The following FRYL variants were observed in gnomAD, a reference collection of about 807,000 sequenced individuals.
The protein encoded by FRYL is FRY like transcription coactivator, also known as protein furry homolog-like.
Under a neutral mutation model 351.2 loss-of-function variants are expected in FRYL, and 150 were observed. That is an observed-to-expected ratio of 0.43 (90% CI 0.37 to 0.49). The LOEUF is 0.49. FRYL is among the 20% of genes least tolerant of loss of function. The pLI, the probability that FRYL is intolerant of heterozygous loss-of-function variation, is 0.00. For synonymous variants in FRYL, 1,153 were observed against 1,257.1 expected, an observed-to-expected ratio of 0.92 and a Z score of 1.75; for missense variants, 3,036 against 3,619.3, an observed-to-expected ratio of 0.84 and a Z score of 4.13.
chr4:48,617,719 C>G (rs1307406282), intron 7 of FRYL: 1 of 152,110 alleles, frequency 6.6e-6, no homozygotes, highest in South Asian at 2.1e-4. Context: ...AAAAATGCCT[C>G]CACAGGGTTG....
chr4:48,564,143 A>G, intron 30 of FRYL, 41 bp from the exon 31 acceptor site: 5 of 1,606,890 alleles, frequency 3.1e-6, no homozygotes, highest in Non-Finnish European at 4.2e-6. Context: ...AGAACGTTAT[A>G]TATTTTTTGT....
At chr4:48,587,392 C>T (rs1056887344) in intron 18 of FRYL, among the ~76,000 whole-genome samples, 3 of 151,922 alleles carry the variant, frequency 2.0e-5, no homozygotes, top group Non-Finnish European at 4.4e-5. Flanking sequence ...AAATGTCTAA[C>T]CTCTTAATAT....
intron 1 of FRYL, among the ~76,000 whole-genome samples, chr4:48,713,599 A>C (rs1343745998): frequency 1.3e-5 from 2 of 152,204 alleles, no homozygotes; most frequent in Admixed American, 6.5e-5. Flanking sequence ...CACCCAATAC[A>C]GGAGCACCCA....
chr4:48,750,297 C>CA (rs1004069172), intron 1 of FRYL, among the ~76,000 whole-genome samples: 8 of 151,334 alleles, frequency 5.3e-5, no homozygotes, highest in African/African-American at 1.9e-4. Flanking sequence ...CCCATTTCTA[C>CA]AAAAAATACA....
At chr4:48,529,624 C>T (rs1727083075) in intron 50 of FRYL, among the ~76,000 whole-genome samples, 1 of 152,100 alleles carries the variant, frequency 6.6e-6, no homozygotes, top group African/African-American at 2.4e-5. Flanking sequence ...CAAGACTAAA[C>T]TGCAATAAAA....
At chr4:48,568,310 C>A (rs1280981840) in intron 27 of FRYL, among the ~76,000 whole-genome samples, 1 of 152,206 alleles carries the variant, frequency 6.6e-6, no homozygotes, top group Non-Finnish European at 1.5e-5. Flanking sequence ...ATGTCTGCGC[C>A]TGGCAACCAC....
chr4:48,708,931 T>TTTTTGTG (rs1767702331), intron 2 of FRYL, among the ~76,000 whole-genome samples: 2 of 149,714 alleles, frequency 1.3e-5, no homozygotes, highest in East Asian at 2.0e-4. Flanking sequence ...TGTTTTTTGT[T>TTTTTGTG]TTTTTTTTTG....
At chr4:48,577,273 C>A (rs1028618713) in intron 23 of FRYL, among the ~76,000 whole-genome samples, 27 of 152,324 alleles carry the variant, frequency 1.8e-4, no homozygotes, top group Non-Finnish European at 2.6e-4. Context: ...TTCCATAAAT[C>A]TTTCCAAATA....
intron 17 of FRYL, 79 bp from the exon 18 acceptor site, chr4:48,589,956 A>G: frequency 8.1e-7 from 1 of 1,237,064 alleles, no homozygotes; most frequent in Non-Finnish European, 1.1e-6. Flanking sequence ...AAAGCCTATT[A>G]ATCTTTAAAT....
rs192608985 is a variant in FRYL, at chr4:48,718,371, G to A, written c.-383-7673C>T. Among the ~76,000 whole-genome samples the A allele has an allele frequency of 2.4e-3, 368 of 151,516 alleles. 6 individuals are homozygous for A. Among genetic ancestry groups the A allele is most frequent in the African/African-American group, 8.4e-3 (347 of 41,436 alleles). ...TGGTGAAATATAAGCATTCATACAC[G>A]TATAAATATTTAAGGTATGTATCTT... On this transcript the variant is annotated intron_variant, in intron 1 of 63. Coordinates refer to ENST00000358350, the MANE Select transcript of FRYL (RefSeq NM_015030.2).
intron 3 of FRYL, among the ~76,000 whole-genome samples, chr4:48,639,324 G>A (rs1222860016): frequency 2.0e-5 from 3 of 152,082 alleles, no homozygotes; most frequent in African/African-American, 7.2e-5. Flanking sequence ...GTATGGTACT[G>A]ATTAAAGAAT....
At position 48,773,297 on chromosome 4, in the gene FRYL, T is replaced by C. The variant is rs184183680; in HGVS notation, c.-384+6781A>G. On this transcript the variant is annotated intron_variant, in intron 1 of 63. Coordinates refer to ENST00000358350, the MANE Select transcript of FRYL (RefSeq NM_015030.2). Reference sequence around the variant, plus strand: ...TGATCAGCCAATCAATAAGCACTTATTAAGGGTCTACCAAGTCACTAGCAA... The same window carrying C: ...TGATCAGCCAATCAATAAGCACTTACTAAGGGTCTACCAAGTCACTAGCAA... Among the ~76,000 whole-genome samples, 211 of 152,322 alleles carry C rather than the reference T, an allele frequency of 1.4e-3. 4 individuals are homozygous for C. Among genetic ancestry groups the C allele is most frequent in the Non-Finnish European group, 1.5e-5 (1 of 68,032 alleles).
At position 48,535,752 on chromosome 4, in the gene FRYL, A is replaced by C; in HGVS notation, c.6469T>G (p.Ser2157Ala). The C allele has an allele frequency of 6.2e-7, 1 of 1,611,248 alleles. No homozygotes were observed. Among genetic ancestry groups the C allele is most frequent in the South Asian group, 1.1e-5 (1 of 90,498 alleles). Residue 2157 changes from serine (S) to alanine (A), a missense_variant, in exon 48 of 64, where the codon TCC (serine) becomes GCC (alanine). Coordinates refer to ENST00000358350, the MANE Select transcript of FRYL (RefSeq NM_015030.2). ...TTGATCCAGTTAGAACAGTCTCTGGAATACGTGTGTGTACTGTACAAACTC... is the reference window on the plus strand; with the variant it reads ...TTGATCCAGTTAGAACAGTCTCTGGCATACGTGTGTGTACTGTACAAACTC... ...MMSLYSTHTY[S>A]RDCSNWINVV...
At chr4:48,640,934 T>A (rs1755199074) in intron 3 of FRYL, among the ~76,000 whole-genome samples, 1 of 152,112 alleles carries the variant, frequency 6.6e-6, no homozygotes, top group Admixed American at 6.6e-5. Flanking sequence ...CATACTTGGA[T>A]CACACTCAAA....
intron 1 of FRYL, among the ~76,000 whole-genome samples, chr4:48,729,473 C>A (rs896622129): frequency 6.6e-6 from 1 of 152,206 alleles, no homozygotes; most frequent in Non-Finnish European, 1.5e-5. Flanking sequence ...GACTGGAAGA[C>A]ACCTCTCAGT....
intron 36 of FRYL, among the ~76,000 whole-genome samples, chr4:48,552,713 G>A (rs1342609228): frequency 1.3e-5 from 2 of 151,772 alleles, no homozygotes; most frequent in African/African-American, 4.8e-5. Context: ...ACATCTCCTG[G>A]AAAATAAAAC....
chr4:48,618,247 C>T (rs1349251198), intron 7 of FRYL: 1 of 152,198 alleles, frequency 6.6e-6, no homozygotes, highest in South Asian at 2.1e-4. Flanking sequence ...TTCTGTTTTA[C>T]ATATTTAAAA....
intron 4 of FRYL, among the ~76,000 whole-genome samples, chr4:48,629,372 G>A (rs1208091911): frequency 1.3e-5 from 2 of 152,158 alleles, no homozygotes; most frequent in African/African-American, 4.8e-5. Context: ...GAGAGGAGGT[G>A]AAAAGCAGAT....
intron 40 of FRYL, among the ~76,000 whole-genome samples, chr4:48,548,425 G>A (rs968957915): frequency 9.9e-5 from 15 of 152,032 alleles, no homozygotes; most frequent in African/African-American, 3.6e-4. Flanking sequence ...ATTTTTCCTT[G>A]GTATAGTATA....
Sources: allele counts gnomAD v4.1 joint callset (sites outside exome capture counted in the v4.1 genomes callset), GRCh38; gene constraint gnomAD v4.1.1; transcripts MANE v1.5; gene names NCBI Gene and HGNC (gene_info 2026-07-23, HGNC 2026-07-21).